The following APOOL variants were observed in gnomAD, a reference collection of about 807,000 sequenced individuals.
APOOL encodes apolipoprotein O like, also known as MICOS complex subunit MIC27.
A neutral mutation model predicts 23.1 loss-of-function variants in APOOL; 12 were observed. The observed-to-expected ratio is 0.52, with a 90% confidence interval of 0.33 to 0.84. The LOEUF (loss-of-function observed/expected upper bound fraction) is 0.84, where lower values mean the gene tolerates loss of function less well. Among genes scored for constraint, APOOL ranks in the 40% least tolerant of loss-of-function variants. The pLI is 0.02. For missense variants in APOOL, 212 were observed against 199.6 expected, an observed-to-expected ratio of 1.06 and a Z score of -0.37; for synonymous variants, 77 against 69.9, an observed-to-expected ratio of 1.10 and a Z score of -0.51.
chrX:85,067,570 A>T lies in APOOL; in HGVS notation c.486+352A>T, dbSNP rs1227142577. ...TAGCAGCTGTTTGGTTCAGCAGATT[A>T]ACCTGACATAAGAAACAACCAGTTG... On this transcript the variant is annotated intron_variant, in intron 6 of 8. Coordinates refer to ENST00000373173, the MANE Select transcript of APOOL (RefSeq NM_198450.6). Among the ~76,000 whole-genome samples the T allele has an allele frequency of 2.7e-5, 3 of 109,241 alleles. No homozygotes were observed. In the South Asian group the frequency reaches 1.2e-3, roughly 44 times the overall value. 94.9% of individuals were successfully genotyped at this position (109,241 alleles called of 115,157 possible).
intron 6 of APOOL, among the ~76,000 whole-genome samples, chrX:85,071,281 A>G (rs1488435251): frequency 1.8e-5 from 2 of 110,675 alleles, no homozygotes; most frequent in African/African-American, 6.6e-5. Flanking sequence ...TTGTCTGTCT[A>G]CTGTGTATTG....
At chrX:85,060,696 A>G (rs1292968007) in intron 5 of APOOL, among the ~76,000 whole-genome samples, 1 of 111,337 alleles carries the variant, frequency 9.0e-6, no homozygotes, top group African/African-American at 3.3e-5. Flanking sequence ...TTATTGGTGT[A>G]TAAGAATGCT....
chrX:85,055,872 A>C lies in APOOL; in HGVS notation c.341A>C (p.Lys114Thr). 8.3e-7 allele frequency: 1 copy of C among 1,203,427 alleles called. No homozygotes were observed. Among genetic ancestry groups the C allele is most frequent in the Non-Finnish European group, 1.1e-6 (1 of 892,287 alleles). The change falls in exon 5 of 9, where the codon AAA becomes ACA. Residue 114 changes from lysine to threonine, a missense_variant. Coordinates refer to ENST00000373173, the MANE Select transcript of APOOL (RefSeq NM_198450.6). ...AATCCTCCTCGAGATTTTCTTCCGA[A>C]AATGGGAGTTATTACAGTTTCAGGA... ...LKNPPRDFLP[K>T]MGVITVSGLA...
chrX:85,064,596 T>C (rs1923380446), intron 5 of APOOL, among the ~76,000 whole-genome samples: 1 of 111,451 alleles, frequency 9.0e-6, no homozygotes, highest in Non-Finnish European at 1.9e-5. Flanking sequence ...TTCTCATTAG[T>C]TTCAAAGAAC....
At chrX:85,011,428 A>T (rs59459514) in intron 1 of APOOL, among the ~76,000 whole-genome samples, 5,730 of 111,538 alleles carry the variant, frequency 0.051, 343 homozygotes, top group African/African-American at 0.17. Flanking sequence ...CAATGTCTAG[A>T]AGAGTTTTTC....
chrX:85,055,454 T>C (rs1157709110), intron 4 of APOOL, among the ~76,000 whole-genome samples: 1 of 111,455 alleles, frequency 9.0e-6, no homozygotes, highest in East Asian at 2.8e-4. Context: ...TATTGGAGGC[T>C]ACCAGTGTTT....
chrX:85,043,518 GT>G (rs1922471288), intron 1 of APOOL, among the ~76,000 whole-genome samples: 1 of 107,638 alleles, frequency 9.3e-6, no homozygotes, highest in African/African-American at 3.4e-5. Flanking sequence ...CTTTAAATAT[GT>G]TTTTTAAAAA....
rs1422405054 is a variant in APOOL at position 85,051,357 on chromosome X, A to T, written c.121-32A>T. 4 of 1,202,789 alleles carry T rather than the reference A, an allele frequency of 3.3e-6. No individual in the cohort carries two copies. The African/African-American group carries it at 5.4e-5, about 16-fold the overall frequency. ...CTGTTATGGACAGTCCAGCTATTTT[A>T]TGTTTTTGACATGAACATTTTTTGC... On this transcript the variant is annotated intron_variant, in intron 2 of 8. Transcript: ENST00000373173.
chrX:85,090,421 T>C lies in APOOL; in HGVS notation c.*2743T>C, dbSNP rs1379010195. ...CATACAGTATCTACTACCCTATTCT[T>C]CTAACCCATTTGTCTATTATGATAT... On this transcript the variant is annotated 3_prime_UTR_variant, in exon 9 of 9. Transcript: ENST00000373173. 1.8e-5 allele frequency: 2 copies of C among 111,328 alleles called. No individual in the cohort carries two copies. The highest frequency in any genetic ancestry group is 3.8e-5 in the Non-Finnish European group (2 of 53,050). The allele number at this position is 111,328 out of a possible 1,213,427, so 9.2% of individuals were successfully genotyped here. A position where few individuals can be genotyped will look rare whatever the true frequency, so the allele number is the denominator to read the frequency against.
At chrX:85,027,892 A>G (rs1468715352) in intron 1 of APOOL, among the ~76,000 whole-genome samples, 4 of 112,036 alleles carry the variant, frequency 3.6e-5, no homozygotes, top group Non-Finnish European at 7.5e-5. Context: ...TCATACTGCC[A>G]TTCAAGAACC....
chrX:85,089,487 C>G lies in APOOL; in HGVS notation c.*1809C>G, dbSNP rs1212678734. On this transcript the variant is annotated 3_prime_UTR_variant, in exon 9 of 9. Coordinates refer to ENST00000373173, the MANE Select transcript of APOOL (RefSeq NM_198450.6). ...ATCCCTTTGCTCTCTATTTTTCCTGCTTTTGTTATTCTTCATTTTTCTTCT... is the reference window on the plus strand; with the variant it reads ...ATCCCTTTGCTCTCTATTTTTCCTGGTTTTGTTATTCTTCATTTTTCTTCT... 9.0e-6 allele frequency: 1 copy of G among 111,585 alleles called. No homozygotes were observed. The highest frequency in any genetic ancestry group is 2.8e-4 in the East Asian group (1 of 3,566). 9.2% of individuals were successfully genotyped at this position (111,585 alleles called of 1,213,427 possible). A position where few individuals can be genotyped will look rare whatever the true frequency, so the allele number is the denominator to read the frequency against.
intron 1 of APOOL, among the ~76,000 whole-genome samples, chrX:85,019,211 A>G (rs1285290005): frequency 8.9e-6 from 1 of 111,911 alleles, no homozygotes; most frequent in African/African-American, 3.2e-5. Context: ...GTTCCCTTCA[A>G]TTTTATATGT....
At chrX:85,075,660 T>C (rs1382607553) in intron 8 of APOOL, among the ~76,000 whole-genome samples, 1 of 111,749 alleles carries the variant, frequency 8.9e-6, no homozygotes, top group Non-Finnish European at 1.9e-5. Flanking sequence ...TGCCTTTTAA[T>C]TCCAGAGTAT....
At chrX:85,082,966 A>T (rs903312460) in intron 8 of APOOL, among the ~76,000 whole-genome samples, 1 of 111,625 alleles carries the variant, frequency 9.0e-6, no homozygotes, top group Non-Finnish European at 1.9e-5. Flanking sequence ...GAAACTAGTC[A>T]GTCTGTCAGT....
chrX:85,030,333 T>C (rs1306504515), intron 1 of APOOL, among the ~76,000 whole-genome samples: 2 of 109,700 alleles, frequency 1.8e-5, no homozygotes, highest in Non-Finnish European at 3.8e-5. Flanking sequence ...CAGAGTGATA[T>C]AATGGACTTT....
chrX:85,037,907 C>T (rs1424843209), intron 1 of APOOL, among the ~76,000 whole-genome samples: 1 of 111,178 alleles, frequency 9.0e-6, no homozygotes, highest in Admixed American at 9.6e-5. Flanking sequence ...CTCTTGTAGA[C>T]ATCAGTCTAG....
At position 85,025,262 on chromosome X, in the gene APOOL, A is replaced by G. The variant is rs187082146; in HGVS notation, c.16-21184A>G. On this transcript the variant is annotated intron_variant, in intron 1 of 8. Coordinates refer to ENST00000373173, the MANE Select transcript of APOOL (RefSeq NM_198450.6). Reference sequence around the variant, plus strand: ...TGTCATGAAGACAACACCAAGCCATAAGGGATCTGCCCCCATAATGCAAAC... The same window carrying G: ...TGTCATGAAGACAACACCAAGCCATGAGGGATCTGCCCCCATAATGCAAAC... Among the ~76,000 whole-genome samples the G allele has an allele frequency of 2.7e-5, 3 of 111,577 alleles. No individual in the cohort carries two copies. In the East Asian group the frequency reaches 8.5e-4, roughly 32 times the overall value.
chrX:85,066,254 A>G lies in APOOL; in HGVS notation c.395-873A>G, dbSNP rs192517058. Reference sequence around the variant, plus strand: ...TATAAGATACTCAGACAAGCGTTTAACTTACATATTATTTTGAACCAACAA... The same window carrying G: ...TATAAGATACTCAGACAAGCGTTTAGCTTACATATTATTTTGAACCAACAA... On this transcript the variant is annotated intron_variant, in intron 5 of 8. Coordinates refer to ENST00000373173, the MANE Select transcript of APOOL (RefSeq NM_198450.6). Among the ~76,000 whole-genome samples the G allele has an allele frequency of 4.1e-3, 454 of 111,993 alleles. 1 individual carries two copies. The highest frequency in any genetic ancestry group is 0.014 in the Middle Eastern group (3 of 217).
intron 3 of APOOL, among the ~76,000 whole-genome samples, chrX:85,052,133 C>G (rs1922803815): frequency 8.9e-6 from 1 of 112,167 alleles, no homozygotes; most frequent in African/African-American, 3.2e-5. Flanking sequence ...TAAAGTAGTT[C>G]AGCAAGGATT....
Sources: allele counts gnomAD v4.1 joint callset (sites outside exome capture counted in the v4.1 genomes callset), GRCh38; gene constraint gnomAD v4.1.1; transcripts MANE v1.5; gene names NCBI Gene and HGNC (gene_info 2026-07-23, HGNC 2026-07-21).